SLMAP: variants seen among roughly 807,000 people sequenced by gnomAD.
The protein encoded by SLMAP is sarcolemmal membrane-associated protein.
In SLMAP, 44 loss-of-function variants were observed where a neutral mutation model predicts 128.8. The observed-to-expected ratio is 0.34, with a 90% CI of 0.27 to 0.44. SLMAP has a LOEUF of 0.44. SLMAP is among the 20% of genes least tolerant of loss of function. The pLI is 1.00. For synonymous variants in SLMAP, 327 were observed against 348.8 expected (o/e 0.94, Z 0.70); for missense variants, 787 against 985.3 (o/e 0.80, Z 2.69).
At chr3:57,862,171 C>A in intron 10 of SLMAP, 85 bp downstream of exon 10, 1 of 1,160,310 alleles carries the variant, frequency 8.6e-7, no homozygotes, top group Non-Finnish European at 1.2e-6. Context: ...ATTGCTTTAG[C>A]TGGGCGTGGG....
chr3:57,767,582 T>G (rs138368819), intron 2 of SLMAP, among the ~76,000 whole-genome samples: 1 of 152,366 alleles, frequency 6.6e-6, no homozygotes, highest in East Asian at 1.9e-4. Context: ...ACTATTACAA[T>G]TTCACACAAA....
At chr3:57,780,272 G>A (rs115031332) in intron 2 of SLMAP, among the ~76,000 whole-genome samples, 5,485 of 151,514 alleles carry the variant, frequency 0.036, 352 homozygotes, top group African/African-American at 0.13. Flanking sequence ...TTGGTCTCCC[G>A]AGTAGCTGGA....
chr3:57,785,966 C>A (rs2084002069), intron 2 of SLMAP, among the ~76,000 whole-genome samples: 1 of 152,124 alleles, frequency 6.6e-6, no homozygotes, highest in African/African-American at 2.4e-5. Flanking sequence ...AGTAAAAGAA[C>A]CCCTTCTACT....
At chr3:57,891,387 A>G (rs2096066344) in intron 15 of SLMAP, among the ~76,000 whole-genome samples, 1 of 152,134 alleles carries the variant, frequency 6.6e-6, no homozygotes, top group South Asian at 2.1e-4. Flanking sequence ...CATAATGTGC[A>G]TATTTTCAGG....
intron 2 of SLMAP, among the ~76,000 whole-genome samples, chr3:57,798,212 G>A (rs1200314106): frequency 2.0e-5 from 3 of 152,146 alleles, no homozygotes; most frequent in African/African-American, 7.2e-5. Context: ...TCATTTGAAA[G>A]TTTAACTAAT....
In SLMAP at chr3:57,850,729, G is replaced by T. The variant is rs147608913; in HGVS notation, c.519+913G>T. Among the ~76,000 whole-genome samples, 218 of 152,256 alleles carry T rather than the reference G, an allele frequency of 1.4e-3. 1 individual carries two copies. Among genetic ancestry groups the T allele is most frequent in the African/African-American group, 5.0e-3 (207 of 41,546 alleles). ...GCTCACTACAACCTCTGCCTCCTGG[G>T]CCCAAGCGATTCTCCTGCCTCAGCC... On this transcript the variant is annotated intron_variant, in intron 6 of 24. Transcript: ENST00000671191.
At chr3:57,837,074 G>A (rs554721865) in intron 3 of SLMAP, among the ~76,000 whole-genome samples, 2 of 152,190 alleles carry the variant, frequency 1.3e-5, no homozygotes, top group Admixed American at 6.5e-5. Context: ...TGCTTCAACT[G>A]CACTGAATTA....
intron 3 of SLMAP, among the ~76,000 whole-genome samples, chr3:57,836,770 G>C (rs1395838851): frequency 2.6e-5 from 4 of 152,192 alleles, no homozygotes; most frequent in Non-Finnish European, 5.9e-5. Flanking sequence ...CATTCTAATA[G>C]ATTTTTTAAA....
chr3:57,838,881 G>A (rs964623040), intron 3 of SLMAP, among the ~76,000 whole-genome samples: 1 of 152,178 alleles, frequency 6.6e-6, no homozygotes, highest in Non-Finnish European at 1.5e-5. Flanking sequence ...GAATGAAGGA[G>A]CCCAGTGGTT....
intron 2 of SLMAP, among the ~76,000 whole-genome samples, chr3:57,792,279 C>G (rs181828661): frequency 1.3e-4 from 20 of 151,966 alleles, no homozygotes; most frequent in Admixed American, 3.9e-4. Flanking sequence ...TCCAAGTAAA[C>G]TTATAAGTAA....
At chr3:57,847,468 T>C (rs1250298891) in intron 5 of SLMAP, among the ~76,000 whole-genome samples, 1 of 152,236 alleles carries the variant, frequency 6.6e-6, no homozygotes, top group Non-Finnish European at 1.5e-5. Flanking sequence ...CTGTGTAAAC[T>C]AGGAGTACCT....
chr3:57,802,532 T>C (rs1017310617), intron 2 of SLMAP, among the ~76,000 whole-genome samples: 2 of 152,202 alleles, frequency 1.3e-5, no homozygotes, highest in Admixed American at 6.5e-5. Flanking sequence ...TCCACCTGCC[T>C]TGGCCTCCCA....
At chr3:57,836,095 G>C (rs550192695) in intron 3 of SLMAP, among the ~76,000 whole-genome samples, 18 of 152,152 alleles carry the variant, frequency 1.2e-4, no homozygotes, top group Admixed American at 8.5e-4. Flanking sequence ...GTTGAGTAAA[G>C]AAAGAATCAA....
At chr3:57,797,046 G>A (rs1176883954) in intron 2 of SLMAP, among the ~76,000 whole-genome samples, 1 of 151,864 alleles carries the variant, frequency 6.6e-6, no homozygotes, top group Non-Finnish European at 1.5e-5. Flanking sequence ...GTCGAGCATG[G>A]TGGCATGTGC....
chr3:57,901,410 A>C (rs2096376468), intron 17 of SLMAP: 1 of 152,228 alleles, frequency 6.6e-6, no homozygotes, highest in Admixed American at 6.6e-5. Context: ...TTTGTTTCAG[A>C]GGATAGAGAA....
intron 2 of SLMAP, among the ~76,000 whole-genome samples, chr3:57,822,444 A>C (rs1018166963): frequency 2.0e-5 from 3 of 152,250 alleles, no homozygotes; most frequent in Non-Finnish European, 2.9e-5. Context: ...CCTCCACCAG[A>C]AGAACTACTG....
In SLMAP at chr3:57,837,718, A is replaced by G. The variant is rs577513431; in HGVS notation, c.347-3581A>G. 3.3e-5 allele frequency among the ~76,000 whole-genome samples: 5 copies of G among 152,238 alleles called. No homozygotes were observed. The South Asian group carries it at 1.0e-3, about 32-fold the overall frequency. ...TTTCCCAAACTCATCAGACCCTCAG[A>G]TCCTTTTTTGTAACACTTGCTAGCA... On this transcript the variant is annotated intron_variant, in intron 3 of 24. Transcript: ENST00000671191.
chr3:57,888,945 C>T (rs1011588728), intron 14 of SLMAP, among the ~76,000 whole-genome samples: 3 of 151,458 alleles, frequency 2.0e-5, no homozygotes, highest in South Asian at 2.1e-4. Context: ...CATACAGTGG[C>T]GCCATCTCTG....
At chr3:57,847,099 A>T in intron 4 of SLMAP, 98 bp from the exon 5 acceptor site, 1 of 717,424 alleles carries the variant, frequency 1.4e-6, no homozygotes, top group Admixed American at 2.5e-5. Flanking sequence ...ATGAAGGCAA[A>T]TGTATAAACT....
Sources: allele counts gnomAD v4.1 joint callset (sites outside exome capture counted in the v4.1 genomes callset), GRCh38; gene constraint gnomAD v4.1.1; transcripts MANE v1.5; gene names NCBI Gene and HGNC (gene_info 2026-07-23, HGNC 2026-07-21).